Variants in ARHGAP33 observed in about 807,000 individuals in gnomAD.
ARHGAP33 encodes rho GTPase-activating protein 33.
In ARHGAP33, 57 loss-of-function variants were observed where a neutral mutation model predicts 126.2. That is an observed-to-expected ratio of 0.45 (90% CI 0.36 to 0.56). The LOEUF is 0.56. ARHGAP33 is among the 20% of genes least tolerant of loss of function. The pLI is 0.00. For missense variants in ARHGAP33, 1,500 were observed against 1,748.3 expected, an observed-to-expected ratio of 0.86 and a Z score of 2.53; for synonymous variants, 711 against 755.0, an observed-to-expected ratio of 0.94 and a Z score of 0.95.
rs770512991 is a variant in ARHGAP33 at position 35,787,586 on chromosome 19, C to T, written c.3021C>T (p.Gly1007=). 1.1e-5 allele frequency: 17 copies of T among 1,607,710 alleles called. No individual in the cohort carries two copies. Among genetic ancestry groups the T allele is most frequent in the Non-Finnish European group, 1.4e-5 (17 of 1,178,172 alleles). ...TCAGTGCCCAGCTCAGGGCAGGTGG[C>T]GGGGGCAGGGATGCGCCAGAGGCAG... ...AQVSAQLRAG[G]GGRDAPEAAA... The change falls in exon 21 of 21, where the codon GGC becomes GGT. Residue 1007 remains glycine (G), a synonymous_variant. Transcript: ENST00000007510.
intron 20 of ARHGAP33, 42 bp from the exon 21 acceptor site, chr19:35,787,126 G>A (rs2146753464): frequency 6.2e-7 from 1 of 1,603,410 alleles, no homozygotes; most frequent in South Asian, 1.1e-5. Flanking sequence ...CTGACTCTGA[G>A]GGCCTGGCCC....
In ARHGAP33 at chr19:35,780,510, T is replaced by C. The variant is rs765023710; in HGVS notation, c.702+12T>C. On this transcript the variant is annotated intron_variant, in intron 8 of 20. Coordinates refer to ENST00000007510, the MANE Select transcript of ARHGAP33 (RefSeq NM_001366178.1). ...AGCGAGGCTTCCAGGTGAGTCCAGCTGGGCGCGGACAGGTGGGGCTGGGGT... is the reference window on the plus strand; with the variant it reads ...AGCGAGGCTTCCAGGTGAGTCCAGCCGGGCGCGGACAGGTGGGGCTGGGGT... 9 of 1,609,538 alleles carry C rather than the reference T, an allele frequency of 5.6e-6. No individual in the cohort carries two copies. The highest frequency in any genetic ancestry group is 7.6e-6 in the Non-Finnish European group (9 of 1,177,314).
intron 1 of ARHGAP33, 101 bp downstream of exon 1, chr19:35,775,765 C>A: frequency 8.0e-7 from 1 of 1,247,972 alleles, no homozygotes; most frequent in Non-Finnish European, 1.1e-6. Context: ...CCCGATCCCG[C>A]GGCCTGTGCT....
rs1353334514 is a variant in ARHGAP33, at chr19:35,786,115, A to G, written c.1943-298A>G. On this transcript the variant is annotated intron_variant, in intron 19 of 20. Transcript: ENST00000007510. The surrounding 1 kb of genome is among the most constrained non-coding windows in gnomAD (Gnocchi z 7.0). ...TTCTGAGCCACCGCGCCATCCTCAC[A>G]CTCCTGGGGTACTGCCCTCCCACAT... 8.0e-7 allele frequency: 1 copy of G among 1,257,666 alleles called. No homozygotes were observed. Among genetic ancestry groups the G allele is most frequent in the African/African-American group, 1.5e-5 (1 of 64,768 alleles). 77.9% of individuals were successfully genotyped at this position (1,257,666 alleles called of 1,614,324 possible). A position where few individuals can be genotyped will look rare whatever the true frequency, so the allele number is the denominator to read the frequency against.
chr19:35,785,327 G>A lies in ARHGAP33; in HGVS notation c.1860G>A (p.Gln620=), dbSNP rs1972056763. 2.5e-6 allele frequency: 4 copies of A among 1,611,476 alleles called. No individual in the cohort carries two copies. Among genetic ancestry groups the A allele is most frequent in the Admixed American group, 1.7e-5 (1 of 59,746 alleles). The change falls in exon 18 of 21, where the codon CAG becomes CAA. Residue 620 remains glutamine (Q), a synonymous_variant. Transcript: ENST00000007510. ...PWLGGTRAPP[Q]PSGSRPDTVT... The stretch of plus-strand genomic sequence containing the variant: ...TGGGGGGCACCCGTGCCCCACCGCA[G>A]CCTTCAGGTGAGAGGCTGAGCCATG...
chr19:35,787,684 G>A lies in ARHGAP33; in HGVS notation c.3119G>A (p.Cys1040Tyr), dbSNP rs778517054. 2.4e-5 allele frequency: 38 copies of A among 1,594,054 alleles called. No individual in the cohort carries two copies. Among genetic ancestry groups the A allele is most frequent in the Non-Finnish European group, 3.2e-5 (38 of 1,174,432 alleles). The stretch of plus-strand genomic sequence containing the variant: ...TTCTTCTCCCCAGCCCCCAGGGAGT[G>A]CCTGCCACCCTTCCTCGGGGTCCCC... ...PGFFSPAPRECLPPFLGVPKP... is the reference protein window; with the variant it reads ...PGFFSPAPREYLPPFLGVPKP... Residue 1040 changes from cysteine to tyrosine, a missense_variant, in exon 21 of 21, where the codon TGC (cysteine) becomes TAC (tyrosine). By Grantham distance (194) the Cys-to-Tyr change is radical. Coordinates refer to ENST00000007510, the MANE Select transcript of ARHGAP33 (RefSeq NM_001366178.1).
intron 6 of ARHGAP33, among the ~76,000 whole-genome samples, chr19:35,779,407 C>A (rs1365636252): frequency 6.6e-6 from 1 of 152,034 alleles, no homozygotes; most frequent in African/African-American, 2.4e-5. Context: ...GAACACCTGG[C>A]TATGAGTGGC....
chr19:35,788,314 G>A lies in ARHGAP33; in HGVS notation c.3749G>A (p.Arg1250Gln), dbSNP rs566081554. The A allele has an allele frequency of 4.4e-5, 70 of 1,608,778 alleles. No homozygotes were observed. The highest frequency in any genetic ancestry group is 2.8e-4 in the African/African-American group (21 of 74,680). ...TACGGAAGGGGGGGCGAGCTCCACC[G>A]AGGGTCCTTGTACAGAAATGGAGGG... ...PAYGRGGELH[R>Q]GSLYRNGGQR... The change falls in exon 21 of 21, where the codon CGA (arginine) becomes CAA (glutamine). Residue 1250 changes from arginine (R) to glutamine (Q), a missense_variant. By Grantham distance (43) the Arg-to-Gln change is conservative. Around this residue, in one of 6 missense-constraint regions of ARHGAP33, gnomAD observed 642 missense variants for 634.0 expected, o/e 1.01. Transcript: ENST00000007510.
chr19:35,785,206 G>T lies in ARHGAP33; in HGVS notation c.1739G>T (p.Gly580Val). 1.3e-6 allele frequency: 2 copies of T among 1,579,246 alleles called. No individual in the cohort carries two copies. Among genetic ancestry groups the T allele is most frequent in the South Asian group, 2.3e-5 (2 of 88,488 alleles). ...SPAERRKGER[G>V]EKQRKPGGSS... ...AACCGCAGGAGGAAAGGGGAGAGAGGGGAGAAGCAGCGGAAGCCAGGGGGC... is the reference window on the plus strand; with the variant it reads ...AACCGCAGGAGGAAAGGGGAGAGAGTGGAGAAGCAGCGGAAGCCAGGGGGC... Residue 580 changes from glycine (G) to valine (V), a missense_variant, in exon 18 of 21, where the codon GGG becomes GTG. Gly to Val is a moderately radical substitution (Grantham distance 109). Around this residue, in one of 6 missense-constraint regions of ARHGAP33, gnomAD observed 300 missense variants for 291.1 expected, o/e 1.03. Transcript: ENST00000007510.
chr19:35,787,535 G>A lies in ARHGAP33; in HGVS notation c.2970G>A (p.Arg990=), dbSNP rs771387331. ...GCCAGCGGCCCATGGGGACCTCAAGGAGGGGACTCCGAGGCCCTGCCCAGG... is the reference window on the plus strand; with the variant it reads ...GCCAGCGGCCCATGGGGACCTCAAGAAGGGGACTCCGAGGCCCTGCCCAGG... The part of the protein sequence containing the change: ...LRSQRPMGTS[R]RGLRGPAQVS... Residue 990 remains arginine, a synonymous_variant, in exon 21 of 21, where the codon AGG becomes AGA. Coordinates refer to ENST00000007510, the MANE Select transcript of ARHGAP33 (RefSeq NM_001366178.1). 3 of 1,611,924 alleles carry A rather than the reference G, an allele frequency of 1.9e-6. No homozygotes were observed. The highest frequency in any genetic ancestry group is 2.5e-6 in the Non-Finnish European group (3 of 1,179,562).
rs1159619040 is a variant in ARHGAP33, at chr19:35,784,238, G to A, written c.1488G>A (p.Ser496=). Residue 496 remains serine (S), a synonymous_variant, in exon 16 of 21, where the codon TCG becomes TCA. Transcript: ENST00000007510. ...CGTTCCGGGAAGTTCGGGTGCAGTC[G>A]GTGGTGGTGGAGTTTCTGCTCACCC... is the stretch of plus-strand genomic sequence containing the variant. ...AAAFREVRVQ[S]VVVEFLLTHV... is the part of the protein sequence containing the mutation. 5.6e-6 allele frequency: 9 copies of A among 1,612,030 alleles called. No individual in the cohort carries two copies. The East Asian group carries it at 1.3e-4, about 24-fold the overall frequency.
At chr19:35,776,251 C>T (rs1971453018) in intron 1 of ARHGAP33, among the ~76,000 whole-genome samples, 1 of 151,726 alleles carries the variant, frequency 6.6e-6, no homozygotes, top group Admixed American at 6.6e-5. Context: ...CCCCAACAGG[C>T]CAGCACTGTA....
At chr19:35,776,773 C>T (rs1402780878) in intron 1 of ARHGAP33, among the ~76,000 whole-genome samples, 1 of 152,212 alleles carries the variant, frequency 6.6e-6, no homozygotes, top group Admixed American at 6.5e-5. Context: ...CCAGTGCCAT[C>T]TCAGAGTGAT....
Position 35,782,638 on chromosome 19 carries a change from G to A in ARHGAP33, c.1272G>A (p.Arg424=), listed in dbSNP as rs1161536000. ...CTGGGGAGGAGGAGCGTCTGGTGCG[G>A]GTGCACGATGTCATCCAGCAGCTGC... ...SVPGEEERLV[R]VHDVIQQLPP... Residue 424 remains arginine (R), a synonymous_variant, in exon 14 of 21, where the codon CGG becomes CGA. Coordinates refer to ENST00000007510, the MANE Select transcript of ARHGAP33 (RefSeq NM_001366178.1). The surrounding 1 kb of genome is among the most constrained non-coding windows in gnomAD (Gnocchi z 4.1). The A allele has an allele frequency of 8.1e-6, 13 of 1,613,538 alleles. No homozygotes were observed. In the South Asian group the frequency reaches 1.3e-4, roughly 16 times the overall value.
chr19:35,779,433 T>C (rs893756591), intron 6 of ARHGAP33, among the ~76,000 whole-genome samples: 3 of 152,080 alleles, frequency 2.0e-5, no homozygotes, highest in African/African-American at 4.8e-5. Flanking sequence ...CCAGAGGGGT[T>C]TTTTTTCTTT....
intron 6 of ARHGAP33, 72 bp from the exon 7 acceptor site, chr19:35,780,139 C>T (rs573958597): frequency 9.5e-5 from 151 of 1,583,346 alleles, no homozygotes; most frequent in South Asian, 5.3e-4. Context: ...TCACCCAGCG[C>T]GGAGGAGCTT....
chr19:35,785,281 G>C lies in ARHGAP33; in HGVS notation c.1814G>C (p.Arg605Pro). ...CTGGGCCGGGGCCCCAGTGTCCCTC[G>C]AAAGAAGCCCCTGCCCTGGCTGGGG... ...FALGRGPSVP[R>P]KKPLPWLGGT... The change falls in exon 18 of 21, where the codon CGA (arginine) becomes CCA (proline). Residue 605 changes from arginine to proline, a missense_variant. This residue lies in a region of ARHGAP33 where 300 missense variants were observed against 291.1 expected (regional missense o/e 1.03). Transcript: ENST00000007510. 1.3e-6 allele frequency: 2 copies of C among 1,599,120 alleles called. No individual in the cohort carries two copies. Among genetic ancestry groups the C allele is most frequent in the East Asian group, 4.5e-5 (2 of 44,648 alleles).
chr19:35,785,174 T>C lies in ARHGAP33; in HGVS notation c.1722-15T>C. 6.4e-7 allele frequency: 1 copy of C among 1,574,472 alleles called. No individual in the cohort carries two copies. Among genetic ancestry groups the C allele is most frequent in the Non-Finnish European group, 8.7e-7 (1 of 1,156,014 alleles). On this transcript the variant is annotated splice_polypyrimidine_tract_variant and intron_variant, in intron 17 of 20. Coordinates refer to ENST00000007510, the MANE Select transcript of ARHGAP33 (RefSeq NM_001366178.1). ...GGTTCCTCAGACGGCCTCCTGTTTC[T>C]CCCCCAAACCGCAGGAGGAAAGGGG...
rs749023544 is a variant in ARHGAP33, at chr19:35,777,600, CT to C, written c.7-42del. On this transcript the variant is annotated intron_variant, in intron 1 of 20. Coordinates refer to ENST00000007510, the MANE Select transcript of ARHGAP33 (RefSeq NM_001366178.1). ...CCAGATAACAATGCTCTCGTTGTCT[CT>C]TTGCTCCCATCTCTGGGGGCCTCTG... 272 of 1,491,522 alleles carry C rather than the reference CT, an allele frequency of 1.8e-4. 1 individual carries two copies. Among genetic ancestry groups the C allele is most frequent in the Non-Finnish European group, 2.4e-4 (264 of 1,092,244 alleles). The allele number at this position is 1,491,522 out of a possible 1,614,324, so 92.4% of individuals were successfully genotyped here.
Sources: gnomAD v4.1 joint callset for allele counts (sites outside exome capture counted in the v4.1 genomes callset) on GRCh38, gnomAD v4.1.1 for gene constraint, gnomAD v4.1.1 regional missense constraint, Gnocchi (gnomAD v3.1) non-coding constraint, MANE v1.5 for transcripts, NCBI Gene and HGNC (gene_info 2026-07-23, HGNC 2026-07-21) for gene names.